The following HELB variants were observed in gnomAD, a reference collection of about 807,000 sequenced individuals.
The protein encoded by HELB is DNA 5'-3' helicase B.
A neutral mutation model predicts 101.7 loss-of-function variants in HELB; 96 were observed. The ratio of observed to expected loss-of-function variants is 0.94; its 90% confidence interval spans 0.80 to 1.12. HELB has a LOEUF of 1.12. Ranked by LOEUF, HELB falls within the 50% of genes most tolerant of loss-of-function variation. The pLI is 0.00. For missense variants in HELB, 1,210 were observed against 1,291.9 expected (o/e 0.94, Z 0.97); for synonymous variants, 437 against 459.7 (o/e 0.95, Z 0.63).
chr12:66,326,305 C>T (rs1016233736), intron 11 of HELB, among the ~76,000 whole-genome samples: 4 of 151,838 alleles, frequency 2.6e-5, no homozygotes, highest in East Asian at 1.9e-4. Flanking sequence ...TGCAGTGGCG[C>T]GATCTTGGCT....
Position 66,322,026 on chromosome 12 carries a change from GA to G in HELB, c.2236del (p.Arg746GlyfsTer6). ...NAKTSQFIAFRRQDCDLINDC... is the reference protein window; with the variant it reads ...NAKTSQFIAFXRQDCDLINDC... The stretch of plus-strand genomic sequence containing the variant: ...AAAACATCACAATTTATTGCATTTA[GA>G]AGGTAAAGCATTTATAATATTTTAA... On this transcript the variant is annotated frameshift_variant and splice_region_variant, in exon 8 of 13. Coordinates refer to ENST00000247815, the MANE Select transcript of HELB (RefSeq NM_001370285.1). LOFTEE classifies it high-confidence loss of function. 1 of 1,090,520 alleles carries G rather than the reference GA, an allele frequency of 9.2e-7. No homozygotes were observed. Among genetic ancestry groups the G allele is most frequent in the Non-Finnish European group, 1.4e-6 (1 of 738,840 alleles). 67.6% of individuals were successfully genotyped at this position (1,090,520 alleles called of 1,614,324 possible).
At chr12:66,319,029 A>G (rs575987679) in intron 7 of HELB, among the ~76,000 whole-genome samples, 3 of 152,292 alleles carry the variant, frequency 2.0e-5, no homozygotes, top group Non-Finnish European at 4.4e-5. Flanking sequence ...GATTGAATAG[A>G]TGGATGTAGA....
At chr12:66,332,607 A>G (rs1411213380) in intron 12 of HELB, among the ~76,000 whole-genome samples, 2 of 152,124 alleles carry the variant, frequency 1.3e-5, no homozygotes, top group Non-Finnish European at 2.9e-5. Flanking sequence ...TGCTTGTGTC[A>G]AGTGATCCTT....
At chr12:66,335,958 C>A (rs1331126519) in intron 12 of HELB, among the ~76,000 whole-genome samples, 1 of 152,136 alleles carries the variant, frequency 6.6e-6, no homozygotes, top group Non-Finnish European at 1.5e-5. Flanking sequence ...GGCACACACC[C>A]CTTCTGTACT....
At chr12:66,326,514 T>C (rs1318043630) in intron 11 of HELB, among the ~76,000 whole-genome samples, 1 of 152,056 alleles carries the variant, frequency 6.6e-6, no homozygotes, top group East Asian at 1.9e-4. Flanking sequence ...GTGCTGGGAT[T>C]ACAGGCCTGA....
chr12:66,331,156 G>A lies in HELB; in HGVS notation c.2673G>A (p.Gly891=), dbSNP rs765183123. The change falls in exon 12 of 13, where the codon GGG becomes GGA. Residue 891 remains glycine, a splice_region_variant and synonymous_variant. Coordinates refer to ENST00000247815, the MANE Select transcript of HELB (RefSeq NM_001370285.1). ...AWARTIHTFQ[G]SEEQTVVYVV... ...TCACACCATATTTTTCCTGCCAGGG[G>A]TCCGAGGAGCAAACAGTTGTCTATG... 1.3e-6 allele frequency: 2 copies of A among 1,599,552 alleles called. No individual in the cohort carries two copies. Among genetic ancestry groups the A allele is most frequent in the Admixed American group, 1.7e-5 (1 of 58,484 alleles).
Position 66,309,657 on chromosome 12 carries a change from A to G in HELB, c.778-49A>G, listed in dbSNP as rs775959847. 21 of 1,272,392 alleles carry G rather than the reference A, an allele frequency of 1.7e-5. No homozygotes were observed. The South Asian group carries it at 2.9e-4, about 17-fold the overall frequency. 78.8% of individuals were successfully genotyped at this position (1,272,392 alleles called of 1,614,324 possible). A position where few individuals can be genotyped will look rare whatever the true frequency, so the allele number is the denominator to read the frequency against. Reference sequence around the variant, plus strand: ...AAAATTATTAATAAAGAACATATTCATAAACACTTATGATGTTTATAAACC... The same window carrying G: ...AAAATTATTAATAAAGAACATATTCGTAAACACTTATGATGTTTATAAACC... On this transcript the variant is annotated intron_variant, in intron 3 of 12. Transcript: ENST00000247815.
rs781078368 is a variant in HELB, at chr12:66,309,713, AC to A, written c.786del (p.Tyr262Ter). On this transcript the variant is annotated frameshift_variant, in exon 4 of 13. Coordinates refer to ENST00000247815, the MANE Select transcript of HELB (RefSeq NM_001370285.1). LOFTEE classifies it high-confidence loss of function. ...PWKLGFSKIT[Y>X]REWKLLRCEA... ...GAACTTTATTTCTTAAAGATAACCTACAGAGAGTGGAAACTCCTGCGATGTG... is the reference window on the plus strand; with the variant it reads ...GAACTTTATTTCTTAAAGATAACCTAAGAGAGTGGAAACTCCTGCGATGTG... 1.2e-6 allele frequency: 2 copies of A among 1,602,650 alleles called. No individual in the cohort carries two copies. Among genetic ancestry groups the A allele is most frequent in the Non-Finnish European group, 1.7e-6 (2 of 1,173,162 alleles).
chr12:66,331,139 T>C lies in HELB; in HGVS notation c.2671-15T>C. 1 of 1,585,264 alleles carries C rather than the reference T, an allele frequency of 6.3e-7. No homozygotes were observed. The highest frequency in any genetic ancestry group is 1.1e-5 in the South Asian group (1 of 86,964). Reference sequence around the variant, plus strand: ...TTTATAGCATTTAGTCTTCACACCATATTTTTCCTGCCAGGGGTCCGAGGA... The same window carrying C: ...TTTATAGCATTTAGTCTTCACACCACATTTTTCCTGCCAGGGGTCCGAGGA... On this transcript the variant is annotated splice_polypyrimidine_tract_variant and intron_variant, in intron 11 of 12. Coordinates refer to ENST00000247815, the MANE Select transcript of HELB (RefSeq NM_001370285.1).
At chr12:66,319,126 T>G (rs752366853) in intron 7 of HELB, among the ~76,000 whole-genome samples, 3 of 152,238 alleles carry the variant, frequency 2.0e-5, no homozygotes, top group Admixed American at 1.3e-4. Flanking sequence ...TTTTCCTTCC[T>G]TGCTATTTGA....
At chr12:66,320,780 C>T (rs929316937) in intron 7 of HELB, among the ~76,000 whole-genome samples, 2 of 151,870 alleles carry the variant, frequency 1.3e-5, no homozygotes, top group African/African-American at 4.8e-5. Context: ...TAAATTATGC[C>T]CATTATTACA....
chr12:66,313,225 A>AT (rs1278361321), intron 4 of HELB, among the ~76,000 whole-genome samples: 2 of 152,194 alleles, frequency 1.3e-5, no homozygotes, highest in African/African-American at 4.8e-5. Flanking sequence ...AAGATGTGAT[A>AT]TGATACCATT....
chr12:66,324,150 A>C lies in HELB; in HGVS notation c.2465A>C (p.Asn822Thr). The stretch of plus-strand genomic sequence containing the variant: ...GGTACGCTTCCTGATTTTGCTAAAA[A>C]TAAGCGTGACTTTGAAAGTAACGTT... ...FSGTLPDFAK[N>T]KRDFESNVRL... is the part of the protein sequence containing the mutation. The change falls in exon 10 of 13, where the codon AAT (asparagine) becomes ACT (threonine). Residue 822 changes from asparagine to threonine, a missense_variant. Physicochemically the swap from Asn to Thr is moderately conservative, Grantham distance 65 (BLOSUM62 0). This residue lies in a region of HELB where 740 missense variants were observed against 728.8 expected (regional missense o/e 1.02). Transcript: ENST00000247815. 1 of 1,613,992 alleles carries C rather than the reference A, an allele frequency of 6.2e-7. No individual in the cohort carries two copies. The highest frequency in any genetic ancestry group is 8.5e-7 in the Non-Finnish European group (1 of 1,179,920).
intron 9 of HELB, 48 bp downstream of exon 9, chr12:66,322,831 T>C (rs1565641471): frequency 1.5e-6 from 2 of 1,306,846 alleles, no homozygotes. Flanking sequence ...CCTTCTTCGA[T>C]TTGCTGGTTT....
intron 10 of HELB, 50 bp downstream of exon 10, chr12:66,324,261 G>T (rs1274126176): frequency 1.6e-6 from 2 of 1,224,176 alleles, no homozygotes; most frequent in Admixed American, 1.7e-5. Context: ...AGATATGTTT[G>T]GTTATTTTAT....
chr12:66,320,906 A>T (rs2053662861), intron 7 of HELB, among the ~76,000 whole-genome samples: 1 of 152,198 alleles, frequency 6.6e-6, no homozygotes, highest in South Asian at 2.1e-4. Context: ...TTGATCTGCA[A>T]GATGTGGGGA....
intron 3 of HELB, among the ~76,000 whole-genome samples, chr12:66,308,421 A>T (rs1434718643): frequency 6.6e-6 from 1 of 152,222 alleles, no homozygotes; most frequent in Non-Finnish European, 1.5e-5. Flanking sequence ...TGGATGCAGC[A>T]TTCTGGGACT....
chr12:66,333,209 C>G (rs1230920126), intron 12 of HELB, among the ~76,000 whole-genome samples: 7 of 151,992 alleles, frequency 4.6e-5, no homozygotes, highest in Non-Finnish European at 8.8e-5. Context: ...GGATGAAAAA[C>G]AAGGCAAGGA....
At position 66,335,093 on chromosome 12, in the gene HELB, G is replaced by A. The variant is rs188866842; in HGVS notation, c.3163-2908G>A. ...TCCTGAGATGGGAAAGATGTGAGGA[G>A]AACTCGTTTGGGGAAATAAAGCGTT... On this transcript the variant is annotated intron_variant, in intron 12 of 12. Coordinates refer to ENST00000247815, the MANE Select transcript of HELB (RefSeq NM_001370285.1). 2.6e-5 allele frequency among the ~76,000 whole-genome samples: 4 copies of A among 152,294 alleles called. No individual in the cohort carries two copies. In the East Asian group the frequency reaches 7.7e-4, roughly 29 times the overall value.
Sources: allele counts gnomAD v4.1 joint callset (sites outside exome capture counted in the v4.1 genomes callset), GRCh38; gene constraint gnomAD v4.1.1; regional missense constraint gnomAD v4.1.1; transcripts MANE v1.5; gene names NCBI Gene and HGNC (gene_info 2026-07-23, HGNC 2026-07-21).